SYCP1: variants seen among roughly 807,000 people sequenced by gnomAD.
SYCP1 encodes synaptonemal complex protein 1, also known as cancer/testis antigen 8.
A neutral mutation model predicts 153.1 loss-of-function variants in SYCP1; 64 were observed. The observed-to-expected ratio is 0.42, with a 90% CI of 0.34 to 0.51. The LOEUF is 0.51. Ranked by LOEUF, SYCP1 falls within the 20% of genes least tolerant of loss-of-function variation. The pLI, the probability that SYCP1 is intolerant of heterozygous loss-of-function variation, is 0.06. For synonymous variants in SYCP1, 384 were observed against 341.8 expected, an observed-to-expected ratio of 1.12 and a Z score of -1.36; for missense variants, 997 against 1,049.0, an observed-to-expected ratio of 0.95 and a Z score of 0.68.
At chr1:114,898,448 A>T (rs923310919) in intron 16 of SYCP1, among the ~76,000 whole-genome samples, 4 of 152,132 alleles carry the variant, frequency 2.6e-5, no homozygotes, top group Admixed American at 1.3e-4. Flanking sequence ...TTGCAAGATA[A>T]TTGCTCAGAA....
chr1:114,914,270 C>T (rs17032969), intron 20 of SYCP1, among the ~76,000 whole-genome samples: 5,161 of 151,766 alleles, frequency 0.034, 291 homozygotes, highest in African/African-American at 0.12. Context: ...AATTTTAAAG[C>T]ATCATAAACC....
chr1:114,925,204 A>G (rs1298626723), intron 21 of SYCP1, among the ~76,000 whole-genome samples: 2 of 152,158 alleles, frequency 1.3e-5, no homozygotes, highest in East Asian at 3.8e-4. Context: ...GAAAAAAATG[A>G]ACTTAATGTG....
At chr1:114,985,642 T>A (rs1451964346) in intron 30 of SYCP1, among the ~76,000 whole-genome samples, 1 of 151,902 alleles carries the variant, frequency 6.6e-6, no homozygotes, top group Non-Finnish European at 1.5e-5. Flanking sequence ...TTTTCATTTT[T>A]TTCTGGAATA....
chr1:114,867,270 G>A (rs1005405537), intron 8 of SYCP1, among the ~76,000 whole-genome samples: 15 of 152,026 alleles, frequency 9.9e-5, no homozygotes, highest in Non-Finnish European at 1.0e-4. Context: ...TTTAGAATCA[G>A]TTTGTAGATA....
At chr1:114,874,253 T>C (rs1384449833) in intron 8 of SYCP1, among the ~76,000 whole-genome samples, 1 of 152,208 alleles carries the variant, frequency 6.6e-6, no homozygotes, top group South Asian at 2.1e-4. Context: ...AGAAGAGTTA[T>C]TAATTTTTTA....
chr1:114,926,599 AATAG>A lies in SYCP1; in HGVS notation c.1926+43_1926+46del, dbSNP rs3831061. ...TCTTTATTTTTGTTTTTTAAATACT[AATAG>A]ATAGATGAGAATTTAGACATTTTAT... On this transcript the variant is annotated intron_variant, in intron 23 of 31. Transcript: ENST00000369522. The A allele has an allele frequency of 4.3e-3, 6,469 of 1,492,472 alleles. 68 individuals are homozygous for A. Among genetic ancestry groups the A allele is most frequent in the East Asian group, 0.038 (1,584 of 41,270 alleles). 92.5% of individuals were successfully genotyped at this position (1,492,472 alleles called of 1,614,324 possible). A position where few individuals can be genotyped will look rare whatever the true frequency, so the allele number is the denominator to read the frequency against.
chr1:114,916,607 TA>T (rs1446024132), intron 20 of SYCP1, among the ~76,000 whole-genome samples: 4 of 151,642 alleles, frequency 2.6e-5, no homozygotes, highest in African/African-American at 7.2e-5. Context: ...TTCTTCTTTT[TA>T]AAATTGTCTG....
chr1:114,857,087 G>A, intron 3 of SYCP1, 145 bp from the exon 4 acceptor site: 1 of 586,430 alleles, frequency 1.7e-6, no homozygotes, highest in Non-Finnish European at 2.7e-6. Flanking sequence ...AGCCATGATG[G>A]GTCACTGCCC....
chr1:114,947,207 A>C (rs768818688), intron 26 of SYCP1, 39 bp from the exon 27 acceptor site: 4 of 1,436,470 alleles, frequency 2.8e-6, no homozygotes, highest in Non-Finnish European at 2.9e-6. Flanking sequence ...TGAGAAATAC[A>C]TGGAAGCTCT....
At chr1:114,968,298 G>C (rs974344668) in intron 27 of SYCP1, among the ~76,000 whole-genome samples, 2 of 152,176 alleles carry the variant, frequency 1.3e-5, no homozygotes, top group Non-Finnish European at 2.9e-5. Context: ...CATTCTCCCT[G>C]TCACTTTCAG....
chr1:114,932,428 GA>G lies in SYCP1; in HGVS notation c.1926+5869del, dbSNP rs1669693501. ...ACTGGTTAAAATATTGGCAAAGGGG[GA>G]AAACTGGGTTGCAAGATGGCTGAAT... On this transcript the variant is annotated intron_variant, in intron 23 of 31. Coordinates refer to ENST00000369522, the MANE Select transcript of SYCP1 (RefSeq NM_003176.4). Among the ~76,000 whole-genome samples the G allele has an allele frequency of 3.3e-5, 5 of 152,266 alleles. No homozygotes were observed. The South Asian group carries it at 1.0e-3, about 32-fold the overall frequency.
rs191703602 is a variant in SYCP1, at chr1:114,992,080, G to C, written c.2704-2618G>C. Among the ~76,000 whole-genome samples, 334 of 151,648 alleles carry C rather than the reference G, an allele frequency of 2.2e-3. 1 individual carries two copies. The highest frequency in any genetic ancestry group is 3.6e-3 in the Non-Finnish European group (246 of 67,750). ...GCATCTAAAAGAATTTAAATACTTA[G>C]GAACAAATCTAACCAAGGAAGTAAA... On this transcript the variant is annotated intron_variant, in intron 30 of 31. Transcript: ENST00000369522.
chr1:114,861,457 A>G (rs1360132389), intron 8 of SYCP1, among the ~76,000 whole-genome samples: 7 of 152,152 alleles, frequency 4.6e-5, no homozygotes, highest in Admixed American at 6.5e-5. Flanking sequence ...CCATTGGGAA[A>G]TACTGTCTAC....
chr1:114,974,078 G>T (rs150319582), intron 27 of SYCP1, among the ~76,000 whole-genome samples: 2 of 151,546 alleles, frequency 1.3e-5, no homozygotes, highest in East Asian at 1.9e-4. Flanking sequence ...TCTTGTATTT[G>T]TCTCCTGTGT....
chr1:114,871,718 G>A (rs555354730), intron 8 of SYCP1, among the ~76,000 whole-genome samples: 14 of 148,682 alleles, frequency 9.4e-5, no homozygotes, highest in Admixed American at 4.1e-4. Flanking sequence ...TATTACAGGC[G>A]TGTGCCAATT....
intron 29 of SYCP1, 87 bp downstream of exon 29, chr1:114,981,599 C>T (rs1673158554): frequency 8.7e-7 from 1 of 1,146,630 alleles, no homozygotes; most frequent in South Asian, 1.5e-5. Context: ...GCATCACGCA[C>T]ACATATATAA....
intron 15 of SYCP1, among the ~76,000 whole-genome samples, chr1:114,893,903 G>A (rs1024664376): frequency 1.6e-4 from 24 of 151,046 alleles, no homozygotes; most frequent in Admixed American, 5.9e-4. Context: ...GGTGGGCTTT[G>A]TGGTGAGAGG....
At chr1:114,937,585 A>C (rs1284976885) in intron 23 of SYCP1, among the ~76,000 whole-genome samples, 1 of 152,208 alleles carries the variant, frequency 6.6e-6, no homozygotes, top group African/African-American at 2.4e-5. Flanking sequence ...CAGCAAAAGA[A>C]ACTACCATCA....
chr1:114,876,228 C>A, intron 10 of SYCP1, 90 bp downstream of exon 10: 2 of 761,370 alleles, frequency 2.6e-6, no homozygotes, highest in Non-Finnish European at 3.9e-6. Context: ...TCTCTTTAGC[C>A]TGATGCTCTG....
Sources: gnomAD v4.1 joint callset for allele counts (sites outside exome capture counted in the v4.1 genomes callset) on GRCh38, gnomAD v4.1.1 for gene constraint, MANE v1.5 for transcripts, NCBI Gene and HGNC (gene_info 2026-07-23, HGNC 2026-07-21) for gene names.